The following DOCK8 variants were observed in gnomAD, a reference collection of about 807,000 sequenced individuals.
DOCK8 encodes dedicator of cytokinesis protein 8.
DOCK8 carries 141 observed loss-of-function variants against 245.6 expected under a neutral mutation model. That is an observed-to-expected ratio of 0.57 (90% CI 0.50 to 0.66). The LOEUF (loss-of-function observed/expected upper bound fraction) is 0.66. Among genes scored for constraint, DOCK8 ranks in the 30% least tolerant of loss-of-function variants. DOCK8 has a pLI of 0.00. For synonymous variants in DOCK8, 1,168 were observed against 970.2 expected, an observed-to-expected ratio of 1.20 and a Z score of -3.79; for missense variants, 2,965 against 2,603.4, an observed-to-expected ratio of 1.14 and a Z score of -3.02.
At position 291,915 on chromosome 9, in the gene DOCK8, A is replaced by T. The variant is rs184686994; in HGVS notation, c.404+2334A>T. 9.4e-3 allele frequency among the ~76,000 whole-genome samples: 1,421 copies of T among 151,716 alleles called. 10 individuals carry two copies. Among genetic ancestry groups the T allele is most frequent in the African/African-American group, 0.01 (424 of 41,376 alleles). ...GACCCCACCTCTAAAAAAATTTTTT[A>T]AAAAATTAACTGGATATGATGACAT... is the stretch of plus-strand genomic sequence containing the variant. On this transcript the variant is annotated intron_variant, in intron 4 of 47. Transcript: ENST00000432829.
At chr9:245,226 A>G (rs2047480344) in intron 1 of DOCK8, among the ~76,000 whole-genome samples, 1 of 152,050 alleles carries the variant, frequency 6.6e-6, no homozygotes, top group South Asian at 2.1e-4. Context: ...ATTTTTTGAG[A>G]TGAAGTCTCA....
intron 15 of DOCK8, chr9:368,394 C>G (rs2053115719): frequency 1.5e-6 from 1 of 673,034 alleles, no homozygotes; most frequent in South Asian, 1.7e-5. Flanking sequence ...GTCATAAAGT[C>G]TTTCCATACT....
intron 47 of DOCK8, 143 bp downstream of exon 47, chr9:463,830 C>G (rs1587145229): frequency 7.1e-6 from 7 of 989,856 alleles, no homozygotes; most frequent in African/African-American, 1.6e-5. Flanking sequence ...AGAGAGGCTA[C>G]CAGAGTGTGA....
intron 36 of DOCK8, among the ~76,000 whole-genome samples, chr9:431,039 A>ATT (rs35683100): frequency 2.0e-5 from 3 of 151,034 alleles, no homozygotes; most frequent in Admixed American, 1.3e-4. Flanking sequence ...TACCCAGCTA[A>ATT]TTTTTTTTGC....
At chr9:215,671 A>G in intron 1 of DOCK8, 1 of 380,304 alleles carries the variant, frequency 2.6e-6, no homozygotes, top group East Asian at 4.4e-5. Flanking sequence ...ACATTTTGAG[A>G]TTTACAGAAC....
At chr9:327,036 G>A (rs772451329) in intron 8 of DOCK8, among the ~76,000 whole-genome samples, 3 of 152,190 alleles carry the variant, frequency 2.0e-5, no homozygotes, top group Non-Finnish European at 4.4e-5. Context: ...TCTTCACTAA[G>A]ATTCATTCCC....
chr9:464,098 G>A, intron 47 of DOCK8, 61 bp from the exon 48 acceptor site: 6 of 1,423,632 alleles, frequency 4.2e-6, no homozygotes, highest in Non-Finnish European at 6.0e-6. Context: ...AAGGCTAACT[G>A]ATCTTTTCTT....
At position 438,693 on chromosome 9, in the gene DOCK8, T is replaced by C. The variant is rs540798892; in HGVS notation, c.5080-552T>C. Among the ~76,000 whole-genome samples the C allele has an allele frequency of 1.4e-3, 206 of 152,220 alleles. 2 individuals are homozygous for C. The highest frequency in any genetic ancestry group is 2.0e-3 in the Non-Finnish European group (135 of 68,036). ...AGTTTATGTAAAGGAAACAAATGCA[T>C]GGAAACAAAATGTTCAGGAAGAACA... On this transcript the variant is annotated intron_variant, in intron 39 of 47. Coordinates refer to ENST00000432829, the MANE Select transcript of DOCK8 (RefSeq NM_203447.4).
At chr9:289,606 TG>T (rs750503656) in intron 4 of DOCK8, 25 bp downstream of exon 4, 23 of 1,575,020 alleles carry the variant, frequency 1.5e-5, no homozygotes, top group Non-Finnish European at 1.9e-5. Flanking sequence ...TTCCACTTTT[TG>T]TATATAAATA....
Position 465,241 on chromosome 9 carries a change from G to C in DOCK8, c.*1022G>C, listed in dbSNP as rs1022707509. The C allele has an allele frequency of 4.6e-5, 7 of 152,630 alleles. No individual in the cohort carries two copies. The highest frequency in any genetic ancestry group is 7.3e-5 in the Non-Finnish European group (5 of 68,036). 9.5% of individuals were successfully genotyped at this position (152,630 alleles called of 1,614,324 possible). A position where few individuals can be genotyped will look rare whatever the true frequency, so the allele number is the denominator to read the frequency against. On this transcript the variant is annotated 3_prime_UTR_variant, in exon 48 of 48. Transcript: ENST00000432829. ...TTGACTGATAATAAAGATGTAATAAGAATTGCAAGCTAAATGTTTCCCTTT... is the reference window on the plus strand; with the variant it reads ...TTGACTGATAATAAAGATGTAATAACAATTGCAAGCTAAATGTTTCCCTTT...
chr9:255,717 AT>A (rs1465068266), intron 1 of DOCK8, among the ~76,000 whole-genome samples: 4 of 150,578 alleles, frequency 2.7e-5, no homozygotes, highest in Non-Finnish European at 4.4e-5. Context: ...TTTACCGTAC[AT>A]AACTTTACCA....
intron 1 of DOCK8, among the ~76,000 whole-genome samples, chr9:244,582 T>C (rs1266472621): frequency 2.0e-5 from 3 of 152,206 alleles, no homozygotes; most frequent in Admixed American, 6.5e-5. Context: ...CAAGAGGATA[T>C]GTTTTGCTCA....
intron 8 of DOCK8, among the ~76,000 whole-genome samples, chr9:326,445 A>G (rs987425207): frequency 6.6e-6 from 1 of 152,210 alleles, no homozygotes; most frequent in African/African-American, 2.4e-5. Flanking sequence ...AGCATGCATC[A>G]CAATCTCCTG....
chr9:319,670 T>G (rs2050500425), intron 7 of DOCK8, among the ~76,000 whole-genome samples: 1 of 152,186 alleles, frequency 6.6e-6, no homozygotes, highest in Admixed American at 6.5e-5. Context: ...CTGAGGAATT[T>G]GTTTAAAGTT....
At chr9:246,122 G>T (rs1335454581) in intron 1 of DOCK8, among the ~76,000 whole-genome samples, 2 of 152,136 alleles carry the variant, frequency 1.3e-5, no homozygotes, top group Admixed American at 6.5e-5. Context: ...GGGAGGCTAA[G>T]GTGGGAGGAT....
chr9:404,155 C>G (rs972652308), intron 26 of DOCK8, among the ~76,000 whole-genome samples: 15 of 151,660 alleles, frequency 9.9e-5, no homozygotes, highest in African/African-American at 3.6e-4. Context: ...CCCCTTCCTT[C>G]CCCTATTTTG....
chr9:338,524 A>T (rs931822086), intron 12 of DOCK8, among the ~76,000 whole-genome samples: 1 of 152,184 alleles, frequency 6.6e-6, no homozygotes, highest in Admixed American at 6.5e-5. Flanking sequence ...GAGATCATGC[A>T]TGTGTGCTCC....
chr9:317,360 A>G (rs1277603745), intron 7 of DOCK8, among the ~76,000 whole-genome samples: 1 of 152,152 alleles, frequency 6.6e-6, no homozygotes, highest in Non-Finnish European at 1.5e-5. Context: ...ACACGTGTCT[A>G]CTAAAGTTAG....
At chr9:292,245 C>G (rs1053853010) in intron 4 of DOCK8, among the ~76,000 whole-genome samples, 1 of 151,304 alleles carries the variant, frequency 6.6e-6, no homozygotes, top group African/African-American at 2.4e-5. Context: ...TGGTGCATGT[C>G]TGTAATCCCA....
Sources: gnomAD v4.1 joint callset for allele counts (sites outside exome capture counted in the v4.1 genomes callset) on GRCh38, gnomAD v4.1.1 for gene constraint, MANE v1.5 for transcripts, NCBI Gene and HGNC (gene_info 2026-07-23, HGNC 2026-07-21) for gene names.